LTAP1: variants seen among roughly 807,000 people sequenced by gnomAD.
LTAP1 encodes the protein HCV NS5A-transactivated protein 4.
chr1:154,220,270 G>A, the LTAP1 span: 6 of 1,551,552 alleles, frequency 3.9e-6, no homozygotes, highest in Middle Eastern at 6.7e-4. Flanking sequence ...ATGCAGACGG[G>A]GTACAGCTCA....
chr1:154,215,483 G>A, the LTAP1 span, among the ~76,000 whole-genome samples: 8 of 151,266 alleles, frequency 5.3e-5, no homozygotes, highest in South Asian at 4.2e-4. Flanking sequence ...GGAGAATGGC[G>A]TGAACCCGGG....
the LTAP1 span, chr1:154,208,549 T>A: frequency 6.6e-6 from 1 of 151,922 alleles, no homozygotes; most frequent in South Asian, 2.1e-4. Flanking sequence ...TGGCTCAAGC[T>A]TTTTTTTCAG....
chr1:154,207,625 G>C, the LTAP1 span: 1 of 1,610,152 alleles, frequency 6.2e-7, no homozygotes. Context: ...ATGTCGCTGA[G>C]AGCTCCCAAT....
At chr1:154,210,516 C>T in the LTAP1 span, among the ~76,000 whole-genome samples, 5 of 152,008 alleles carry the variant, frequency 3.3e-5, no homozygotes, top group Admixed American at 6.6e-5. Flanking sequence ...CTCGCTCTGT[C>T]GCCTAGGCTG....
chr1:154,220,004 G>C, the LTAP1 span: 4 of 1,290,548 alleles, frequency 3.1e-6, no homozygotes, highest in Non-Finnish European at 4.3e-6. Flanking sequence ...TTTTAAAAAA[G>C]CATGCCTTCA....
At chr1:154,220,349 C>T in the LTAP1 span, 1 of 1,614,206 alleles carries the variant, frequency 6.2e-7, no homozygotes, top group Non-Finnish European at 8.5e-7. Flanking sequence ...CACCAGGCTC[C>T]CGTAGGCCAT....
At chr1:154,216,450 T>TTA in the LTAP1 span, among the ~76,000 whole-genome samples, 1 of 152,058 alleles carries the variant, frequency 6.6e-6, no homozygotes, top group Admixed American at 6.6e-5. Context: ...TCCTCCTGCC[T>TTA]TAGCCTCCTG....
chr1:154,216,251 A>T, the LTAP1 span, among the ~76,000 whole-genome samples: 4 of 152,260 alleles, frequency 2.6e-5, no homozygotes, highest in Admixed American at 1.3e-4. Context: ...GTGTCACCCT[A>T]AAAAAGATGC....
At chr1:154,211,568 C>T in the LTAP1 span, among the ~76,000 whole-genome samples, 1 of 151,040 alleles carries the variant, frequency 6.6e-6, no homozygotes, top group African/African-American at 2.4e-5. Flanking sequence ...ATCTCTTGAC[C>T]TCATGATTCG....
the LTAP1 span, chr1:154,214,478 G>A: frequency 3.0e-4 from 482 of 1,613,258 alleles, 5 homozygotes; most frequent in African/African-American, 5.8e-3. Context: ...TGGGTTTCCA[G>A]TTGTAGTAGT....
the LTAP1 span, among the ~76,000 whole-genome samples, chr1:154,219,250 A>C: frequency 6.6e-6 from 1 of 152,232 alleles, no homozygotes; most frequent in Non-Finnish European, 1.5e-5. Flanking sequence ...CTCAGGAAAG[A>C]GTTCTAGGAT....
At chr1:154,211,169 T>C in the LTAP1 span, among the ~76,000 whole-genome samples, 3 of 134,574 alleles carry the variant, frequency 2.2e-5, no homozygotes, top group Non-Finnish European at 4.4e-5. Flanking sequence ...CATGCCCAGC[T>C]AATTTTTGTA....
At chr1:154,208,075 G>A in the LTAP1 span, among the ~76,000 whole-genome samples, 2 of 151,708 alleles carry the variant, frequency 1.3e-5, no homozygotes, top group African/African-American at 4.8e-5. Flanking sequence ...TTCAGCCTGG[G>A]TGACAGAGCA....
the LTAP1 span, among the ~76,000 whole-genome samples, chr1:154,208,016 A>G: frequency 6.6e-6 from 1 of 151,804 alleles, no homozygotes; most frequent in Non-Finnish European, 1.5e-5. Flanking sequence ...CAAGAGAATC[A>G]CTTGAACCCA....
the LTAP1 span, chr1:154,219,746 A>G: frequency 2.7e-4 from 257 of 953,548 alleles, no homozygotes; most frequent in Admixed American, 4.9e-4. Context: ...AAACATGAGA[A>G]TTAAAGTCAT....
chr1:154,213,540 G>C, the LTAP1 span, among the ~76,000 whole-genome samples: 1 of 152,234 alleles, frequency 6.6e-6, no homozygotes, highest in African/African-American at 2.4e-5. Flanking sequence ...TATATGACAA[G>C]TGTTGACAGA....
At chr1:154,212,625 C>CT in the LTAP1 span, 1 of 1,613,860 alleles carries the variant, frequency 6.2e-7, no homozygotes, top group East Asian at 2.2e-5. Flanking sequence ...AATGGGATCT[C>CT]TGTGGAGAAA....
chr1:154,218,886 A>G, the LTAP1 span, among the ~76,000 whole-genome samples: 1 of 152,198 alleles, frequency 6.6e-6, no homozygotes, highest in East Asian at 1.9e-4. Context: ...AAATAAAGAG[A>G]GGGGGAACCT....
At chr1:154,213,798 A>G in the LTAP1 span, 4 of 1,001,754 alleles carry the variant, frequency 4.0e-6, no homozygotes, top group Non-Finnish European at 6.0e-6. Context: ...GGATGTGCAG[A>G]AAGGACAAAT....
Sources: allele counts gnomAD v4.1 joint callset (sites outside exome capture counted in the v4.1 genomes callset), GRCh38; gene constraint gnomAD v4.1.1; transcripts MANE v1.5; gene names NCBI Gene and HGNC (gene_info 2026-07-23, HGNC 2026-07-21).